TMEM67: variants seen among roughly 807,000 people sequenced by gnomAD.
The protein encoded by TMEM67 is transmembrane protein 67.
Under a neutral mutation model 136.6 loss-of-function variants are expected in TMEM67, and 124 were observed. The ratio of observed to expected loss-of-function variants is 0.91; its 90% CI spans 0.78 to 1.05. The LOEUF (loss-of-function observed/expected upper bound fraction) is 1.05. Ranked by LOEUF, TMEM67 falls within the 50% of genes least tolerant of loss-of-function variation. TMEM67 has a pLI of 0.00. For synonymous variants in TMEM67, 364 were observed against 390.5 expected (o/e 0.93, Z 0.80); for missense variants, 1,107 against 1,178.4 (o/e 0.94, Z 0.89).
Position 93,781,756 on chromosome 8 carries a change from T to G in TMEM67, c.1065+12T>G. 1 of 1,528,554 alleles carries G rather than the reference T, an allele frequency of 6.5e-7. No homozygotes were observed. Among genetic ancestry groups the G allele is most frequent in the Non-Finnish European group, 9.0e-7 (1 of 1,106,974 alleles). 94.7% of individuals were successfully genotyped at this position (1,528,554 alleles called of 1,614,324 possible). A position where few individuals can be genotyped will look rare whatever the true frequency, so the allele number is the denominator to read the frequency against. ...GAGGTGTTTTACAGGTAAGCATGAT[T>G]CTAGTTAAAGAATTAATAACATGCA... On this transcript the variant is annotated intron_variant, in intron 10 of 27. Transcript: ENST00000453321.
At chr8:93,785,794 C>A in intron 12 of TMEM67, 1 of 216,116 alleles carries the variant, frequency 4.6e-6, no homozygotes, top group Non-Finnish European at 9.2e-6. Flanking sequence ...CATTCAAGTC[C>A]AAGGCACGGT....
intron 26 of TMEM67, among the ~76,000 whole-genome samples, chr8:93,814,455 C>T (rs1463326453): frequency 3.6e-5 from 5 of 139,338 alleles, no homozygotes; most frequent in African/African-American, 8.0e-5. Context: ...TAGCTTTCAT[C>T]GGGCTTTTTT....
intron 18 of TMEM67, 37 bp downstream of exon 18, chr8:93,796,024 C>T (rs775855434): frequency 2.3e-6 from 3 of 1,303,746 alleles, no homozygotes; most frequent in East Asian, 2.3e-5. Context: ...ATTTAAAAGG[C>T]CTGCTAATGA....
intron 14 of TMEM67, among the ~76,000 whole-genome samples, chr8:93,789,671 T>TA (rs1491389979): frequency 2.8e-4 from 24 of 85,682 alleles, no homozygotes; most frequent in African/African-American, 1.2e-3. Context: ...TATATATATA[T>TA]TTTTTTTTTA....
chr8:93,761,355 A>C (rs1471067966), intron 3 of TMEM67, among the ~76,000 whole-genome samples: 2 of 152,248 alleles, frequency 1.3e-5, no homozygotes, highest in African/African-American at 4.8e-5. Flanking sequence ...GATACAGGGA[A>C]ATAGTTATTC....
intron 16 of TMEM67, 100 bp downstream of exon 16, chr8:93,793,396 A>G (rs548561503): frequency 9.9e-7 from 1 of 1,010,202 alleles, no homozygotes; most frequent in East Asian, 2.6e-5. Flanking sequence ...AGTTGCATTG[A>G]ATTTTTCTGG....
rs267607114 is a variant in TMEM67 at position 93,793,256 on chromosome 8, G to A, written c.1634G>A (p.Gly545Glu). The stretch of plus-strand genomic sequence containing the variant: ...TTAGCATCTCTTTTGAAGACAGCAG[G>A]ATGGAAGAGGCGCATTGGGAGTCCC... Reference protein sequence around the residue: ...AVLASLLKTAGWKRRIGSPMI... With the variant: ...AVLASLLKTAEWKRRIGSPMI... The change falls in exon 16 of 28, where the codon GGA (glycine) becomes GAA (glutamate). Residue 545 changes from glycine to glutamate, a missense_variant. Coordinates refer to ENST00000453321, the MANE Select transcript of TMEM67 (RefSeq NM_153704.6). The A allele has an allele frequency of 3.1e-6, 5 of 1,614,022 alleles. 1 individual carries two copies. Among genetic ancestry groups the A allele is most frequent in the Middle Eastern group, 1.6e-4 (1 of 6,084 alleles).
intron 23 of TMEM67, among the ~76,000 whole-genome samples, chr8:93,807,526 A>T (rs918215773): frequency 4.6e-5 from 7 of 152,082 alleles, no homozygotes; most frequent in Non-Finnish European, 8.8e-5. Flanking sequence ...ATTTTATGCT[A>T]TTTATATGTA....
At chr8:93,809,220 G>A in intron 25 of TMEM67, 59 bp downstream of exon 25, 1 of 993,720 alleles carries the variant, frequency 1.0e-6, no homozygotes. Flanking sequence ...AAAAAGTTAA[G>A]TGGGAATGTC....
At chr8:93,818,689 G>T (rs1308443320), downstream of TMEM67, among the ~76,000 whole-genome samples, 1 of 152,076 alleles carries the variant, frequency 6.6e-6, no homozygotes. Context: ...CATAAGCTTT[G>T]GTATCTTGAA....
chr8:93,756,107 A>G, intron 2 of TMEM67: 1 of 392,878 alleles, frequency 2.5e-6, no homozygotes, highest in Non-Finnish European at 4.5e-6. Flanking sequence ...GTAAAAATTT[A>G]AGTTTTTGTT....
intron 7 of TMEM67, among the ~76,000 whole-genome samples, chr8:93,773,787 T>A (rs1329758345): frequency 6.6e-6 from 1 of 152,216 alleles, no homozygotes; most frequent in African/African-American, 2.4e-5. Flanking sequence ...AGATCTAACA[T>A]ACAAATTATT....
intron 20 of TMEM67, among the ~76,000 whole-genome samples, chr8:93,798,977 G>A (rs984168583): frequency 6.6e-6 from 1 of 150,390 alleles, no homozygotes; most frequent in African/African-American, 2.4e-5. Flanking sequence ...GTGTGTGTGT[G>A]TGTGTGTTTA....
In TMEM67 at chr8:93,809,946, T is replaced by C. The variant is rs1416712626; in HGVS notation, c.2764+59T>C. Reference sequence around the variant, plus strand: ...CTGTTTTCAAAGTTTGAGAAAAAAGTGCTTGTAGATATTTTTCTTTTTTTC... The same window carrying C: ...CTGTTTTCAAAGTTTGAGAAAAAAGCGCTTGTAGATATTTTTCTTTTTTTC... On this transcript the variant is annotated intron_variant, in intron 26 of 27. Transcript: ENST00000453321. The C allele has an allele frequency of 2.7e-6, 3 of 1,116,814 alleles. No individual in the cohort carries two copies. The East Asian group carries it at 7.2e-5, about 27-fold the overall frequency. The allele number at this position is 1,116,814 out of a possible 1,614,324, so 69.2% of individuals were successfully genotyped here. A position where few individuals can be genotyped will look rare whatever the true frequency, so the allele number is the denominator to read the frequency against.
intron 6 of TMEM67, among the ~76,000 whole-genome samples, chr8:93,770,393 A>T (rs1813277622): frequency 6.6e-6 from 1 of 152,190 alleles, no homozygotes; most frequent in Non-Finnish European, 1.5e-5. Flanking sequence ...AATAGAATTA[A>T]CTGATATCCA....
the TMEM67 span, among the ~76,000 whole-genome samples, chr8:93,828,760 A>G: frequency 6.6e-6 from 1 of 151,328 alleles, no homozygotes; most frequent in African/African-American, 2.4e-5. Flanking sequence ...AAAAAAAAAA[A>G]GTATTAACTC....
At chr8:93,793,913 C>G (rs1287535388) in intron 16 of TMEM67, among the ~76,000 whole-genome samples, 1 of 151,612 alleles carries the variant, frequency 6.6e-6, no homozygotes, top group South Asian at 2.1e-4. Context: ...TTTTTTGAGA[C>G]GGAGTCTCAC....
At chr8:93,809,744 C>A in intron 25 of TMEM67, 41 bp from the exon 26 acceptor site, 3 of 1,136,938 alleles carry the variant, frequency 2.6e-6, no homozygotes, top group Non-Finnish European at 4.0e-6. Context: ...GCATTTATTT[C>A]ACTACTGTTT....
At chr8:93,788,409 A>G (rs929343009) in intron 14 of TMEM67, among the ~76,000 whole-genome samples, 12 of 152,176 alleles carry the variant, frequency 7.9e-5, no homozygotes, top group Admixed American at 3.3e-4. Context: ...CTGAAAATAC[A>G]AAAATTAGCC....
Sources: allele counts gnomAD v4.1 joint callset (sites outside exome capture counted in the v4.1 genomes callset), GRCh38; gene constraint gnomAD v4.1.1; transcripts MANE v1.5; gene names NCBI Gene and HGNC (gene_info 2026-07-23, HGNC 2026-07-21).